Variants in ATP8B4 observed in about 807,000 individuals in gnomAD.
ATP8B4 encodes the protein probable phospholipid-transporting ATPase IM.
Under a neutral mutation model 145.6 loss-of-function variants are expected in ATP8B4, and 133 were observed. The ratio of observed to expected loss-of-function variants is 0.91; its 90% confidence interval spans 0.79 to 1.05. The LOEUF is 1.05. Among genes scored for constraint, ATP8B4 ranks in the 50% least tolerant of loss-of-function variants. ATP8B4 has a pLI of 0.00. For synonymous variants in ATP8B4, 507 were observed against 492.9 expected (o/e 1.03, Z -0.38); for missense variants, 1,458 against 1,425.2 (o/e 1.02, Z -0.37).
At chr15:50,138,356 A>AGATT (rs2044157220) in intron 1 of ATP8B4, among the ~76,000 whole-genome samples, 4 of 149,548 alleles carry the variant, frequency 2.7e-5, no homozygotes. Context: ...ATAGATAGAT[A>AGATT]GATAGATAGA....
chr15:49,864,373 G>T (rs1434351502), intron 26 of ATP8B4, among the ~76,000 whole-genome samples: 1 of 152,154 alleles, frequency 6.6e-6, no homozygotes, highest in Non-Finnish European at 1.5e-5. Context: ...ATTAGTCCAA[G>T]AATTTACTTC....
intron 2 of ATP8B4, among the ~76,000 whole-genome samples, chr15:50,097,944 C>T (rs1045695119): frequency 3.3e-5 from 5 of 152,120 alleles, no homozygotes; most frequent in Admixed American, 3.3e-4. Context: ...AAACATTAGT[C>T]CCATTTTACA....
At position 50,009,777 on chromosome 15, in the gene ATP8B4, T is replaced by C. The variant is rs79164270; in HGVS notation, c.435+1068A>G. On this transcript the variant is annotated intron_variant, in intron 7 of 27. Coordinates refer to ENST00000284509, the MANE Select transcript of ATP8B4 (RefSeq NM_024837.4). ...CAAACTGTTCTACTTATAAGGAGCT[T>C]AACCAGAGTGGACTTTGAGACCTCT... 3.3e-3 allele frequency: 1,344 copies of C among 411,564 alleles called. 24 individuals carry two copies. The highest frequency in any genetic ancestry group is 0.026 in the African/African-American group (1,254 of 47,878). 25.5% of individuals were successfully genotyped at this position (411,564 alleles called of 1,614,324 possible). A position where few individuals can be genotyped will look rare whatever the true frequency, so the allele number is the denominator to read the frequency against.
intron 5 of ATP8B4, among the ~76,000 whole-genome samples, chr15:50,039,326 G>T (rs2051090582): frequency 6.6e-6 from 1 of 152,158 alleles, no homozygotes; most frequent in Non-Finnish European, 1.5e-5. Flanking sequence ...ATCTTATGAA[G>T]TACTGAGCAT....
At chr15:49,878,662 A>G (rs139195875) in intron 24 of ATP8B4, among the ~76,000 whole-genome samples, 30 of 152,314 alleles carry the variant, frequency 2.0e-4, no homozygotes, top group African/African-American at 7.0e-4. Flanking sequence ...GGCTCTGAGT[A>G]TGCCAAGGAT....
intron 2 of ATP8B4, among the ~76,000 whole-genome samples, chr15:50,100,199 A>C (rs1341468326): frequency 2.0e-5 from 3 of 152,180 alleles, no homozygotes; most frequent in African/African-American, 4.8e-5. Context: ...ATGTTGTGAA[A>C]GTGCATAGAA....
At chr15:50,164,820 C>T (rs2044572513) in intron 1 of ATP8B4, among the ~76,000 whole-genome samples, 2 of 152,216 alleles carry the variant, frequency 1.3e-5, no homozygotes, top group Non-Finnish European at 2.9e-5. Flanking sequence ...CTGGTCTTAA[C>T]ACTCTCTTCA....
chr15:50,064,877 A>G (rs2053271842), intron 3 of ATP8B4, among the ~76,000 whole-genome samples: 1 of 152,136 alleles, frequency 6.6e-6, no homozygotes, highest in Non-Finnish European at 1.5e-5. Context: ...GGTGCTACAC[A>G]CTTTTAAACA....
intron 3 of ATP8B4, among the ~76,000 whole-genome samples, chr15:50,059,184 A>T (rs2052824111): frequency 6.6e-6 from 1 of 152,158 alleles, no homozygotes; most frequent in Non-Finnish European, 1.5e-5. Context: ...CATATACAAA[A>T]ATAGGCATTT....
At chr15:49,864,448 T>C (rs2032425750) in intron 26 of ATP8B4, among the ~76,000 whole-genome samples, 1 of 152,208 alleles carries the variant, frequency 6.6e-6, no homozygotes, top group Non-Finnish European at 1.5e-5. Context: ...TCACTGCGCA[T>C]CTCTCTTTTC....
intron 20 of ATP8B4, chr15:49,907,950 TA>T: frequency 2.3e-6 from 1 of 430,350 alleles, no homozygotes; most frequent in Non-Finnish European, 4.6e-6. Context: ...GAGGTATGTT[TA>T]GGGAAACACA....
At chr15:49,963,081 G>T (rs187362155) in intron 13 of ATP8B4, among the ~76,000 whole-genome samples, 3 of 151,592 alleles carry the variant, frequency 2.0e-5, no homozygotes, top group Non-Finnish European at 4.4e-5. Flanking sequence ...GAAAAAACCC[G>T]ACAACCGCCA....
At chr15:50,163,172 T>C (rs987056371) in intron 1 of ATP8B4, among the ~76,000 whole-genome samples, 4 of 152,240 alleles carry the variant, frequency 2.6e-5, no homozygotes, top group African/African-American at 7.2e-5. Flanking sequence ...ATGTTTCAGA[T>C]GCTTGTGGAG....
chr15:50,111,158 T>C (rs1438842691), intron 1 of ATP8B4, among the ~76,000 whole-genome samples: 1 of 152,178 alleles, frequency 6.6e-6, no homozygotes, highest in East Asian at 1.9e-4. Flanking sequence ...CACATCTGGG[T>C]GCAGGTGACT....
chr15:49,866,321 C>T (rs771781734), intron 26 of ATP8B4, 25 bp downstream of exon 26: 2 of 1,609,854 alleles, frequency 1.2e-6, no homozygotes, highest in South Asian at 1.1e-5. Context: ...ACACTAGGTT[C>T]CACTAGTCAA....
intron 14 of ATP8B4, among the ~76,000 whole-genome samples, chr15:49,959,890 T>G (rs555580634): frequency 7.2e-5 from 11 of 152,094 alleles, no homozygotes; most frequent in African/African-American, 2.7e-4. Context: ...AATCAATAAA[T>G]TTAACATCAT....
intron 1 of ATP8B4, among the ~76,000 whole-genome samples, chr15:50,170,080 A>T (rs1203101851): frequency 1.3e-5 from 2 of 152,176 alleles, no homozygotes; most frequent in Non-Finnish European, 2.9e-5. Flanking sequence ...GGAAGAAGAG[A>T]ATTCTAAAAG....
chr15:50,027,395 A>G (rs190092203), intron 6 of ATP8B4, among the ~76,000 whole-genome samples: 2 of 152,066 alleles, frequency 1.3e-5, no homozygotes, highest in East Asian at 1.9e-4. Context: ...GGATGGATGG[A>G]TGGATGGATG....
chr15:50,123,375 T>C (rs1039249531), upstream of ATP8B4, among the ~76,000 whole-genome samples: 4 of 152,198 alleles, frequency 2.6e-5, no homozygotes, highest in Admixed American at 2.6e-4. Flanking sequence ...CAGTCTGCCT[T>C]TGTAGGACTA....
Sources: gnomAD v4.1 joint callset for allele counts (sites outside exome capture counted in the v4.1 genomes callset) on GRCh38, gnomAD v4.1.1 for gene constraint, MANE v1.5 for transcripts, NCBI Gene and HGNC (gene_info 2026-07-23, HGNC 2026-07-21) for gene names.